The following ATG9B variants were observed in gnomAD, a reference collection of about 807,000 sequenced individuals.
ATG9B encodes autophagy related 9B.
ATG9B carries 92 observed loss-of-function variants against 92.9 expected under a neutral mutation model. The ratio of observed to expected loss-of-function variants is 0.99; its 90% CI spans 0.84 to 1.18. ATG9B has a LOEUF of 1.18. Ranked by LOEUF, ATG9B falls within the 50% of genes most tolerant of loss-of-function variation. The pLI is 0.00. For missense variants in ATG9B, 1,344 were observed against 1,235.0 expected (o/e 1.09, Z -1.32); for synonymous variants, 599 against 551.4 (o/e 1.09, Z -1.21).
At position 151,023,952 on chromosome 7, in the gene ATG9B, C is replaced by T. The variant is rs1224215613; in HGVS notation, c.472G>A (p.Asp158Asn). The T allele has an allele frequency of 6.3e-7, 1 of 1,588,942 alleles. No individual in the cohort carries two copies. The highest frequency in any genetic ancestry group is 8.6e-7 in the Non-Finnish European group (1 of 1,168,000). Reference protein sequence around the residue: ...EQDYERLEDCDPEGSQDSPIH... With the variant: ...EQDYERLEDCNPEGSQDSPIH... Reference sequence around the variant, plus strand: ...GGTGAGTCTTGGGACCCCTCAGGGTCACAGTCCTCCAGCCGCTCATAATCC... The same window carrying T: ...GGTGAGTCTTGGGACCCCTCAGGGTTACAGTCCTCCAGCCGCTCATAATCC... Residue 158 changes from aspartate to asparagine, a missense_variant, in exon 1 of 14, where the codon GAC (aspartate) becomes AAC (asparagine). By Grantham distance (23) the Asp-to-Asn change is conservative. Transcript: ENST00000639579.
At chr7:151,021,852 T>C (rs963005887) in intron 4 of ATG9B, among the ~76,000 whole-genome samples, 6 of 149,756 alleles carry the variant, frequency 4.0e-5, no homozygotes, top group Admixed American at 4.0e-4. Context: ...GGTTTCACCA[T>C]GTTGGCCAGA....
rs993033861 is a variant in ATG9B at position 151,015,560 on chromosome 7, C to T, written c.*168G>A. 1 of 228,082 alleles carries T rather than the reference C, an allele frequency of 4.4e-6. No individual in the cohort carries two copies. Among genetic ancestry groups the T allele is most frequent in the Non-Finnish European group, 8.5e-6 (1 of 117,990 alleles). The allele number at this position is 228,082 out of a possible 1,614,324, so 14.1% of individuals were successfully genotyped here. A position where few individuals can be genotyped will look rare whatever the true frequency, so the allele number is the denominator to read the frequency against. On this transcript the variant is annotated 3_prime_UTR_variant, in exon 14 of 14. Coordinates refer to ENST00000639579, the MANE Select transcript of ATG9B (RefSeq NM_001317056.2). ...CATCAGCATCTCCTCTCCTTGCCTA[C>T]CTTTTCTCTGTTCTCGGGGCGAGTT... is the stretch of plus-strand genomic sequence containing the variant.
Position 151,023,517 on chromosome 7 carries a change from C to T in ATG9B, c.595-8G>A, listed in dbSNP as rs372817884. ...CTGGTGGTAGCTGTAGATGTGGCTG[C>T]GTGTCAAGGAACAAGCCTGAGGCAC... On this transcript the variant is annotated splice_region_variant and splice_polypyrimidine_tract_variant and intron_variant, in intron 2 of 13. Transcript: ENST00000639579. 1.5e-4 allele frequency: 244 copies of T among 1,612,432 alleles called. No homozygotes were observed. In the African/African-American group the frequency reaches 2.7e-3, roughly 18 times the overall value.
chr7:151,016,986 G>A, intron 9 of ATG9B, 50 bp downstream of exon 9: 1 of 1,540,536 alleles, frequency 6.5e-7, no homozygotes, highest in Non-Finnish European at 8.8e-7. Flanking sequence ...AGGGTTTGGA[G>A]AGGAGTTGTG....
At chr7:151,020,355 G>T (rs1195509801) in intron 5 of ATG9B, 1 of 152,740 alleles carries the variant, frequency 6.5e-6, no homozygotes, top group Non-Finnish European at 1.5e-5. Flanking sequence ...CCCCTGGAAG[G>T]AACAGGGGAG....
downstream of ATG9B, chr7:151,013,787 G>T: frequency 1.2e-6 from 2 of 1,611,402 alleles, no homozygotes; most frequent in Non-Finnish European, 1.7e-6. Flanking sequence ...GCTGTGCCTC[G>T]AGCGGGGCCA....
In ATG9B at chr7:151,017,885, G is replaced by T; in HGVS notation, c.2038C>A (p.His680Asn). The change falls in exon 8 of 14, where the codon CAC becomes AAC. Residue 680 changes from histidine to asparagine, a missense_variant. Coordinates refer to ENST00000639579, the MANE Select transcript of ATG9B (RefSeq NM_001317056.2). ...CSFALMDVKR[H>N]GHPQWLSAGQ... The stretch of plus-strand genomic sequence containing the variant: ...ACGGCTCTGACCTGAGGGTGTCCGT[G>T]GCGCTTCACATCCATAAGGGCAAAG... The T allele has an allele frequency of 6.2e-7, 1 of 1,608,324 alleles. No homozygotes were observed. The highest frequency in any genetic ancestry group is 8.5e-7 in the Non-Finnish European group (1 of 1,177,286).
rs1795463171 is a variant in ATG9B at position 151,015,963 on chromosome 7, AAC to A, written c.2706_2707del (p.Phe903ProfsTer15). 2 of 1,551,468 alleles carry A rather than the reference AAC, an allele frequency of 1.3e-6. No individual in the cohort carries two copies. Among genetic ancestry groups the A allele is most frequent in the Non-Finnish European group, 1.7e-6 (2 of 1,146,980 alleles). On this transcript the variant is annotated frameshift_variant, in exon 13 of 14. Transcript: ENST00000639579. LOFTEE classifies it high-confidence loss of function. ...TGTGGTCACCTGAAACCCTCCGGGG[AAC>A]AGATTCCGGGCCTTCTGGGTTCCCC...
rs1396442334 is a variant in ATG9B at position 151,021,443 on chromosome 7, G to A, written c.822-114C>T. 3 of 1,403,608 alleles carry A rather than the reference G, an allele frequency of 2.1e-6. No individual in the cohort carries two copies. The African/African-American group carries it at 4.4e-5, about 20-fold the overall frequency. The allele number at this position is 1,403,608 out of a possible 1,614,324, so 86.9% of individuals were successfully genotyped here. On this transcript the variant is annotated intron_variant, in intron 4 of 13. Coordinates refer to ENST00000639579, the MANE Select transcript of ATG9B (RefSeq NM_001317056.2). ...TGAGGAGGGGGATCTAGCTAGACCA[G>A]CAGCTCTCAAGGTAGAGCCCGGGGC...
At chr7:151,014,041 C>T (rs1563238169), downstream of ATG9B, 1 of 1,613,586 alleles carries the variant, frequency 6.2e-7, no homozygotes, top group Admixed American at 1.7e-5. Context: ...CATTTTCGGG[C>T]TCACGCTGCG....
downstream of ATG9B, chr7:151,013,108 AAAGT>A: frequency 1.9e-6 from 2 of 1,041,686 alleles, no homozygotes; most frequent in Non-Finnish European, 2.8e-6. Flanking sequence ...TGAAACAGCC[AAAGT>A]AATGGTGGTT....
Position 151,017,035 on chromosome 7 carries a change from C to T in ATG9B, c.2289+1G>A, listed in dbSNP as rs1232176661. On this transcript the variant is annotated splice_donor_variant, in intron 9 of 13. Transcript: ENST00000639579. LOFTEE classifies it high-confidence loss of function. The stretch of plus-strand genomic sequence containing the variant: ...AAGGGGAGGCCAGGCTTGGGACTCA[C>T]CAGGGGCGAGGTGCAGTTGCTGAGC... 1.3e-6 allele frequency: 2 copies of T among 1,583,102 alleles called. No individual in the cohort carries two copies. Among genetic ancestry groups the T allele is most frequent in the African/African-American group, 1.3e-5 (1 of 74,404 alleles).
chr7:151,016,332 ACT>A, intron 11 of ATG9B, 97 bp from the exon 12 acceptor site: 1 of 1,487,686 alleles, frequency 6.7e-7, no homozygotes. Context: ...TCCTCCTGCC[ACT>A]CTGCTAGACC....
At position 151,018,385 on chromosome 7, in the gene ATG9B, AG is replaced by A; in HGVS notation, c.1780del (p.Leu594TrpfsTer84). 6.3e-7 allele frequency: 1 copy of A among 1,586,814 alleles called. No individual in the cohort carries two copies. Reference sequence around the variant, plus strand: ...CTCCGGGAGGTAGTGCATGTGGGCCAGGGCTGTCTGCAGCAGGAGCTGCGGC... The same window carrying A: ...CTCCGGGAGGTAGTGCATGTGGGCCAGGCTGTCTGCAGCAGGAGCTGCGGC... ...RAPQLLLQTALAHMHYLPEEP... is the reference protein window; with the variant it reads ...RAPQLLLQTAXAHMHYLPEEP... On this transcript the variant is annotated frameshift_variant, in exon 7 of 14. Transcript: ENST00000639579. LOFTEE classifies it high-confidence loss of function. The surrounding 1 kb of genome is among the most constrained non-coding windows in gnomAD (Gnocchi z 4.7).
downstream of ATG9B, chr7:151,013,708 C>T (rs528093884): frequency 6.7e-6 from 9 of 1,353,006 alleles, no homozygotes; most frequent in African/African-American, 1.3e-4. Context: ...CCCGCCCTAA[C>T]CCCGCCGCCC....
At position 151,017,184 on chromosome 7, in the gene ATG9B, G is replaced by T. The variant is rs373994976; in HGVS notation, c.2141C>A (p.Ala714Glu). Residue 714 changes from alanine (A) to glutamate (E), a missense_variant, in exon 9 of 14, where the codon GCG becomes GAG. Physicochemically the swap from Ala to Glu is moderately radical, Grantham distance 107. Coordinates refer to ENST00000639579, the MANE Select transcript of ATG9B (RefSeq NM_001317056.2). ...CCCTGGGGGGCGCCAGAGTGGATGC[G>T]CCAGGGAGAACCGCATCAAAGAAAG... ...TELSLMRFSLAHPLWRPPGHS... is the reference protein window; with the variant it reads ...TELSLMRFSLEHPLWRPPGHS... The T allele has an allele frequency of 6.2e-7, 1 of 1,613,046 alleles. No individual in the cohort carries two copies. Among genetic ancestry groups the T allele is most frequent in the Non-Finnish European group, 8.5e-7 (1 of 1,179,738 alleles).
At position 151,015,611 on chromosome 7, in the gene ATG9B, A is replaced by T; in HGVS notation, c.*117T>A. 2.9e-6 allele frequency: 1 copy of T among 340,424 alleles called. No individual in the cohort carries two copies. Among genetic ancestry groups the T allele is most frequent in the Non-Finnish European group, 5.3e-6 (1 of 190,272 alleles). 21.1% of individuals were successfully genotyped at this position (340,424 alleles called of 1,614,324 possible). A position where few individuals can be genotyped will look rare whatever the true frequency, so the allele number is the denominator to read the frequency against. ...CCTCACTGACTCCCAGGTCCTGCCC[A>T]ACTAAAGCACCTGGGCCTGTCATCT... On this transcript the variant is annotated 3_prime_UTR_variant, in exon 14 of 14. Coordinates refer to ENST00000639579, the MANE Select transcript of ATG9B (RefSeq NM_001317056.2).
downstream of ATG9B, chr7:151,013,280 A>G (rs150393893): frequency 5.0e-4 from 811 of 1,613,820 alleles, no homozygotes; most frequent in Non-Finnish European, 6.7e-4. Context: ...GATGCTCCCA[A>G]CTTGACCATC....
chr7:151,013,556 GC>G (rs1364988908), downstream of ATG9B: 55 of 263,678 alleles, frequency 2.1e-4, no homozygotes, highest in Non-Finnish European at 3.0e-4. Flanking sequence ...GCCTCCTCCC[GC>G]CCCTGCCCCG....
Sources: allele counts gnomAD v4.1 joint callset (sites outside exome capture counted in the v4.1 genomes callset), GRCh38; gene constraint gnomAD v4.1.1; non-coding constraint Gnocchi (gnomAD v3.1); transcripts MANE v1.5; gene names NCBI Gene and HGNC (gene_info 2026-07-23, HGNC 2026-07-21).